RHOU: variants seen among roughly 807,000 people sequenced by gnomAD.
RHOU encodes the protein rho-related GTP-binding protein RhoU.
In RHOU, 8 loss-of-function variants were observed where a neutral mutation model predicts 12.6. The observed-to-expected ratio is 0.64, with a 90% CI of 0.37 to 1.15. The LOEUF is 1.15. Ranked by LOEUF, RHOU falls within the 50% of genes most tolerant of loss-of-function variation. RHOU has a pLI of 0.01. For missense variants in RHOU, 258 were observed against 347.0 expected (o/e 0.74, Z 2.04); for synonymous variants, 161 against 147.4 (o/e 1.09, Z -0.67).
At chr1:228,674,009 C>T in the RHOU span, among the ~76,000 whole-genome samples, 1 of 152,310 alleles carries the variant, frequency 6.6e-6, no homozygotes, top group Admixed American at 6.5e-5. Context: ...CCCATCATGA[C>T]AGTTTTAGTT....
chr1:228,720,282 TTTCCATACA>T, the RHOU span, among the ~76,000 whole-genome samples: 2 of 152,202 alleles, frequency 1.3e-5, no homozygotes, highest in South Asian at 4.1e-4. Flanking sequence ...ATCATGTAAT[TTTCCATACA>T]TAATACATAC....
At chr1:228,710,764 C>T in the RHOU span, among the ~76,000 whole-genome samples, 1 of 151,680 alleles carries the variant, frequency 6.6e-6, no homozygotes, top group Non-Finnish European at 1.5e-5. Flanking sequence ...ACAGGGATGC[C>T]CTCTCTCACC....
In RHOU at chr1:228,735,779, C is replaced by T; in HGVS notation, c.37C>T (p.Arg13Cys). 1.4e-5 allele frequency: 17 copies of T among 1,213,206 alleles called. No individual in the cohort carries two copies. Among genetic ancestry groups the T allele is most frequent in the Non-Finnish European group, 1.7e-5 (17 of 977,034 alleles). 75.2% of individuals were successfully genotyped at this position (1,213,206 alleles called of 1,614,324 possible). ...GCAGGGGGACCCCGCGTTCCCCGAC[C>T]GCTGCGAGGCGCCTCCGGTGCCGCC... ...PQQGDPAFPDRCEAPPVPPRR... is the reference protein window; with the variant it reads ...PQQGDPAFPDCCEAPPVPPRR... The change falls in exon 1 of 3, where the codon CGC becomes TGC. Residue 13 changes from arginine (R) to cysteine (C), a missense_variant. Arg to Cys is a radical substitution (Grantham distance 180). Coordinates refer to ENST00000366691, the MANE Select transcript of RHOU (RefSeq NM_021205.6). The surrounding 1 kb of genome is among the most constrained non-coding windows in gnomAD (Gnocchi z 8.1).
the RHOU span, among the ~76,000 whole-genome samples, chr1:228,670,606 G>T: frequency 6.6e-6 from 1 of 152,198 alleles, no homozygotes; most frequent in Non-Finnish European, 1.5e-5. Context: ...GTTCTATGAT[G>T]ACTTACTTGG....
the RHOU span, among the ~76,000 whole-genome samples, chr1:228,715,592 G>A: frequency 6.6e-6 from 1 of 152,018 alleles, no homozygotes; most frequent in African/African-American, 2.4e-5. Context: ...AATGATCCTT[G>A]TACCTTGAGA....
chr1:228,676,129 C>CTG, the RHOU span, among the ~76,000 whole-genome samples: 1 of 148,026 alleles, frequency 6.8e-6, no homozygotes, highest in Admixed American at 6.9e-5. Context: ...ACTGCTGTAA[C>CTG]CGCCCCCCCC....
the RHOU span, among the ~76,000 whole-genome samples, chr1:228,660,439 T>C: frequency 0.17 from 25,010 of 151,532 alleles, 2,326 homozygotes; most frequent in East Asian, 0.35. Context: ...TTCCAAAAAC[T>C]TGAAGAGGAG....
chr1:228,720,364 T>G, the RHOU span, among the ~76,000 whole-genome samples: 1 of 152,222 alleles, frequency 6.6e-6, no homozygotes, highest in Non-Finnish European at 1.5e-5. Flanking sequence ...GAGCTGAAAT[T>G]TGAATTCATA....
chr1:228,724,526 T>G, the RHOU span, among the ~76,000 whole-genome samples: 1 of 152,140 alleles, frequency 6.6e-6, no homozygotes, highest in Non-Finnish European at 1.5e-5. Flanking sequence ...TATGTTGCCT[T>G]GGCTAGTCCC....
At chr1:228,659,774 A>G in the RHOU span, among the ~76,000 whole-genome samples, 2 of 152,022 alleles carry the variant, frequency 1.3e-5, no homozygotes, top group South Asian at 4.1e-4. Context: ...ACTTGAGGTC[A>G]GGAGTTCGAG....
the RHOU span, among the ~76,000 whole-genome samples, chr1:228,725,122 G>C: frequency 6.6e-6 from 1 of 152,158 alleles, no homozygotes; most frequent in African/African-American, 2.4e-5. Context: ...CCTTCCTGCT[G>C]TTCATACTCA....
At chr1:228,668,538 G>A in the RHOU span, among the ~76,000 whole-genome samples, 1 of 152,298 alleles carries the variant, frequency 6.6e-6, no homozygotes, top group African/African-American at 2.4e-5. Context: ...AATGGTCGGT[G>A]AGGGCAAACC....
the RHOU span, chr1:228,651,059 A>G: frequency 3.8e-6 from 1 of 260,566 alleles, no homozygotes; most frequent in Non-Finnish European, 8.0e-6. Context: ...GGCTTCCCTC[A>G]TAAAGACCAA....
At chr1:228,677,907 G>A in the RHOU span, among the ~76,000 whole-genome samples, 1 of 152,134 alleles carries the variant, frequency 6.6e-6, no homozygotes, top group African/African-American at 2.4e-5. Context: ...CCAAACTGAG[G>A]AATTACGTCT....
the RHOU span, among the ~76,000 whole-genome samples, chr1:228,704,959 T>C: frequency 1.3e-5 from 2 of 152,146 alleles, no homozygotes; most frequent in South Asian, 4.2e-4. Flanking sequence ...AGCCACCATG[T>C]CCACCTAATT....
At chr1:228,646,787 C>T in the RHOU span, among the ~76,000 whole-genome samples, 40 of 152,088 alleles carry the variant, frequency 2.6e-4, no homozygotes, top group African/African-American at 8.9e-4. Context: ...CACGCGAGCA[C>T]GGGTGCGCAG....
the RHOU span, chr1:228,650,210 G>A: frequency 2.2e-6 from 1 of 456,922 alleles, no homozygotes; most frequent in South Asian, 1.5e-5. Flanking sequence ...GTCGCCCATG[G>A]GGACCCTGGC....
At position 228,743,142 on chromosome 1, in the gene RHOU, G is replaced by A. The variant is rs555303341; in HGVS notation, c.322-143G>A. The A allele has an allele frequency of 1.5e-4, 120 of 804,930 alleles. No homozygotes were observed. In the South Asian group the frequency reaches 1.7e-3, roughly 12 times the overall value. 49.9% of individuals were successfully genotyped at this position (804,930 alleles called of 1,614,324 possible). A position where few individuals can be genotyped will look rare whatever the true frequency, so the allele number is the denominator to read the frequency against. ...CCCCGCTTGGGTAAACAGTAGGATC[G>A]TTTCAAGGATGCTGGCTCTTCCTTC... On this transcript the variant is annotated intron_variant, in intron 2 of 2. Transcript: ENST00000366691. This position sits in a 1 kb window ranked among gnomAD's most constrained non-coding sequence, Gnocchi z 5.1.
Position 228,743,449 on chromosome 1 carries a change from G to GTCGGATCTC in RHOU, c.487_495dup (p.Ser163_Leu165dup). The GTCGGATCTC allele has an allele frequency of 6.2e-7, 1 of 1,614,194 alleles. No individual in the cohort carries two copies. The highest frequency in any genetic ancestry group is 8.5e-7 in the Non-Finnish European group (1 of 1,180,046). The stretch of plus-strand genomic sequence containing the variant: ...CCCCCATCATCCTAGTTGGAACGCA[G>GTCGGATCTC]TCGGATCTCAGAGAAGATGTCAAAG... On this transcript the variant is annotated inframe_insertion, in exon 3 of 3. Transcript: ENST00000366691. The surrounding 1 kb of genome is among the most constrained non-coding windows in gnomAD (Gnocchi z 5.1).
Sources: allele counts gnomAD v4.1 joint callset (sites outside exome capture counted in the v4.1 genomes callset), GRCh38; gene constraint gnomAD v4.1.1; non-coding constraint Gnocchi (gnomAD v3.1); transcripts MANE v1.5; gene names NCBI Gene and HGNC (gene_info 2026-07-23, HGNC 2026-07-21).